TFPI2: variants seen among roughly 807,000 people sequenced by gnomAD.
TFPI2 encodes tissue factor pathway inhibitor 2.
Under a neutral mutation model 23.1 loss-of-function variants are expected in TFPI2, and 23 were observed. The observed-to-expected ratio is 1.00, with a 90% CI of 0.72 to 1.41. The LOEUF is 1.41. Among genes scored for constraint, TFPI2 ranks in the 40% most tolerant of loss-of-function variants. TFPI2 has a pLI of 0.00. For synonymous variants in TFPI2, 119 were observed against 111.7 expected, an observed-to-expected ratio of 1.07 and a Z score of -0.41; for missense variants, 291 against 299.6, an observed-to-expected ratio of 0.97 and a Z score of 0.21.
intron 1 of TFPI2, 53 bp downstream of exon 1, chr7:93,890,538 C>T (rs1399770867): frequency 6.3e-7 from 1 of 1,579,662 alleles, no homozygotes; most frequent in Non-Finnish European, 8.6e-7. Context: ...CCCCATGGCC[C>T]GCTGCGCCCT....
rs1171390862 is a variant in TFPI2, at chr7:93,890,660, G to C, written c.19C>G (p.Leu7Val). MDPARP[L>V]GLSILLLFLT... ...AAAAGCAGCAGAATCGACAGCCCCA[G>C]GGGGCGAGCGGGGTCCATGGTGCAG... The change falls in exon 1 of 5, where the codon CTG becomes GTG. Residue 7 changes from leucine to valine, a missense_variant. Coordinates refer to ENST00000222543, the MANE Select transcript of TFPI2 (RefSeq NM_006528.4). The C allele has an allele frequency of 3.1e-6, 5 of 1,612,814 alleles. No homozygotes were observed. The highest frequency in any genetic ancestry group is 3.3e-4 in the Middle Eastern group (2 of 6,032).
At position 93,888,524 on chromosome 7, in the gene TFPI2, A is replaced by AGAAAGAAGGAAGGAAG. The variant is rs1168242124; in HGVS notation, c.460+510_460+511insCTTCCTTCCTTCTTTC. Among the ~76,000 whole-genome samples the AGAAAGAAGGAAGGAAG allele has an allele frequency of 6.8e-4, 79 of 116,612 alleles. 3 individuals are homozygous for AGAAAGAAGGAAGGAAG. The highest frequency in any genetic ancestry group is 2.4e-3 in the African/African-American group (68 of 28,802). The allele number at this position is 116,612 out of a possible 152,430, so 76.5% of individuals were successfully genotyped here. ...AGAAAGAAAGAAAGAAAAGAAAGAA[A>AGAAAGAAGGAAGGAAG]GAAGGAAGGAAGGAAGGAAAGAAGG... On this transcript the variant is annotated intron_variant, in intron 3 of 4. Coordinates refer to ENST00000222543, the MANE Select transcript of TFPI2 (RefSeq NM_006528.4).
Position 93,885,513 on chromosome 7 carries a change from C to G in TFPI2, c.*1307G>C, listed in dbSNP as rs986389588. On this transcript the variant is annotated 3_prime_UTR_variant, in exon 5 of 5. Transcript: ENST00000222543. ...AATATTATCTCCACAACTGTCCACC[C>G]CTCTGTTCTCTCCAAACCTCTATAG... 2 of 151,928 alleles carry G rather than the reference C, an allele frequency of 1.3e-5. No individual in the cohort carries two copies. Among genetic ancestry groups the G allele is most frequent in the African/African-American group, 4.8e-5 (2 of 41,394 alleles). The allele number at this position is 151,928 out of a possible 1,614,324, so 9.4% of individuals were successfully genotyped here. A position where few individuals can be genotyped will look rare whatever the true frequency, so the allele number is the denominator to read the frequency against.
chr7:93,887,256 A>G lies in TFPI2; in HGVS notation c.631+5T>C. On this transcript the variant is annotated splice_donor_5th_base_variant and intron_variant, in intron 4 of 4. Transcript: ENST00000222543. ...CTAAAGGTGGAATAAGAAAACATTC[A>G]CTACCTTTTGCACATGCACGTTTGC... is the stretch of plus-strand genomic sequence containing the variant. 2 of 1,599,606 alleles carry G rather than the reference A, an allele frequency of 1.3e-6. No homozygotes were observed. Among genetic ancestry groups the G allele is most frequent in the African/African-American group, 2.7e-5 (2 of 74,572 alleles).
At position 93,886,113 on chromosome 7, in the gene TFPI2, T is replaced by C. The variant is rs1007745724; in HGVS notation, c.*707A>G. 1 of 152,036 alleles carries C rather than the reference T, an allele frequency of 6.6e-6. No homozygotes were observed. Among genetic ancestry groups the C allele is most frequent in the African/African-American group, 2.4e-5 (1 of 41,424 alleles). 9.4% of individuals were successfully genotyped at this position (152,036 alleles called of 1,614,324 possible). On this transcript the variant is annotated 3_prime_UTR_variant, in exon 5 of 5. Transcript: ENST00000222543. Reference sequence around the variant, plus strand: ...GTTTAGTGGTCTCCAACCCACAATGTCTTAGGAAATAATTTAACAATAGGA... The same window carrying C: ...GTTTAGTGGTCTCCAACCCACAATGCCTTAGGAAATAATTTAACAATAGGA...
rs573099917 is a variant in TFPI2 at position 93,890,508 on chromosome 7, T to G, written c.88+83A>C. ...GCAGGGACCTGGAGAAAGCGAGGCTTGGAGGGCGCCTACACGGGGCCCCAT... is the reference window on the plus strand; with the variant it reads ...GCAGGGACCTGGAGAAAGCGAGGCTGGGAGGGCGCCTACACGGGGCCCCAT... On this transcript the variant is annotated intron_variant, in intron 1 of 4. Transcript: ENST00000222543. 26 of 1,487,374 alleles carry G rather than the reference T, an allele frequency of 1.7e-5. No homozygotes were observed. In the African/African-American group the frequency reaches 3.5e-4, roughly 20 times the overall value. 92.1% of individuals were successfully genotyped at this position (1,487,374 alleles called of 1,614,324 possible). A position where few individuals can be genotyped will look rare whatever the true frequency, so the allele number is the denominator to read the frequency against.
In TFPI2 at chr7:93,890,218, A is replaced by C; in HGVS notation, c.190T>G (p.Phe64Val). ...TTGCCCTCGCAGCCCCCGTACAGGA[A>C]CTGGCGGCAGCTCTGCGTGTACCTG... is the stretch of plus-strand genomic sequence containing the variant. ...YDRYTQSCRQ[F>V]LYGGCEGNAN... Residue 64 changes from phenylalanine (F) to valine (V), a missense_variant, in exon 2 of 5, where the codon TTC becomes GTC. Phe to Val is a conservative substitution (Grantham distance 50). Transcript: ENST00000222543. 6.2e-7 allele frequency: 1 copy of C among 1,614,028 alleles called. No individual in the cohort carries two copies. Among genetic ancestry groups the C allele is most frequent in the Admixed American group, 1.7e-5 (1 of 60,016 alleles).
At chr7:93,890,071 G>T (rs1157501371) in intron 2 of TFPI2, 66 bp downstream of exon 2, 2 of 1,481,952 alleles carry the variant, frequency 1.3e-6, no homozygotes, top group African/African-American at 2.8e-5. Flanking sequence ...GTGGGAAACT[G>T]GCGAAGCTGC....
At chr7:93,887,136 A>G (rs1794008513) in intron 4 of TFPI2, 125 bp downstream of exon 4, 1 of 961,276 alleles carries the variant, frequency 1.0e-6, no homozygotes, top group Admixed American at 3.0e-5. Context: ...CTACGGAGAT[A>G]CTTATGTAGA....
At chr7:93,890,392 C>T in intron 1 of TFPI2, 73 bp from the exon 2 acceptor site, 1 of 1,524,518 alleles carries the variant, frequency 6.6e-7, no homozygotes, top group South Asian at 1.3e-5. Context: ...GAAAGAACAT[C>T]CCGGGGAGTT....
chr7:93,886,625 A>G lies in TFPI2; in HGVS notation c.*195T>C. The G allele has an allele frequency of 2.2e-6, 1 of 459,102 alleles. No homozygotes were observed. The highest frequency in any genetic ancestry group is 3.8e-6 in the Non-Finnish European group (1 of 264,494). 28.4% of individuals were successfully genotyped at this position (459,102 alleles called of 1,614,324 possible). A position where few individuals can be genotyped will look rare whatever the true frequency, so the allele number is the denominator to read the frequency against. The stretch of plus-strand genomic sequence containing the variant: ...CAAACAGTTGAACCATAAATTAAAA[A>G]TGGTAGACTCACATTTGAATAGCAG... On this transcript the variant is annotated 3_prime_UTR_variant, in exon 5 of 5. Coordinates refer to ENST00000222543, the MANE Select transcript of TFPI2 (RefSeq NM_006528.4).
chr7:93,890,517 C>T (rs1794112932), intron 1 of TFPI2, 74 bp downstream of exon 1: 7 of 1,512,378 alleles, frequency 4.6e-6, no homozygotes, highest in Non-Finnish European at 6.2e-6. Flanking sequence ...TTGGAGGGCG[C>T]CTACACGGGG....
chr7:93,889,238 G>C lies in TFPI2; in HGVS notation c.272-15C>G, dbSNP rs886696535. 1 of 1,560,466 alleles carries C rather than the reference G, an allele frequency of 6.4e-7. No homozygotes were observed. The highest frequency in any genetic ancestry group is 8.6e-7 in the Non-Finnish European group (1 of 1,156,150). On this transcript the variant is annotated splice_polypyrimidine_tract_variant and intron_variant, in intron 2 of 4. Transcript: ENST00000222543. Reference sequence around the variant, plus strand: ...TTTGGGAACTTCTAGGAAAAGGAGGGTAATAGAACAATGTTAGTCAAAAGT... The same window carrying C: ...TTTGGGAACTTCTAGGAAAAGGAGGCTAATAGAACAATGTTAGTCAAAAGT...
At chr7:93,890,543 C>A (rs112988173) in intron 1 of TFPI2, 48 bp downstream of exon 1, 29,581 of 1,587,022 alleles carry the variant, frequency 0.019, 359 homozygotes, top group Non-Finnish European at 0.023. Flanking sequence ...TGGCCCGCTG[C>A]GCCCTCTCCG....
intron 4 of TFPI2, 86 bp downstream of exon 4, chr7:93,887,175 A>C: frequency 7.6e-7 from 1 of 1,321,822 alleles, no homozygotes; most frequent in Admixed American, 2.5e-5. Context: ...ATTTGCTATT[A>C]GTAAAATGGA....
Position 93,890,197 on chromosome 7 carries a change from C to T in TFPI2, c.211G>A (p.Gly71Ser), listed in dbSNP as rs530627196. The T allele has an allele frequency of 4.3e-6, 7 of 1,613,528 alleles. No homozygotes were observed. The South Asian group carries it at 6.6e-5, about 15-fold the overall frequency. The stretch of plus-strand genomic sequence containing the variant: ...CAGGTGTAGAAATTGTTGGCGTTGC[C>T]CTCGCAGCCCCCGTACAGGAACTGG... ...CRQFLYGGCE[G>S]NANNFYTWEA... The change falls in exon 2 of 5, where the codon GGC (glycine) becomes AGC (serine). Residue 71 changes from glycine (G) to serine (S), a missense_variant. Physicochemically the swap from Gly to Ser is moderately conservative, Grantham distance 56. Transcript: ENST00000222543.
Position 93,890,221 on chromosome 7 carries a change from G to T in TFPI2, c.187C>A (p.Gln63Lys). Reference protein sequence around the residue: ...YYDRYTQSCRQFLYGGCEGNA... With the variant: ...YYDRYTQSCRKFLYGGCEGNA... The stretch of plus-strand genomic sequence containing the variant: ...CCCTCGCAGCCCCCGTACAGGAACT[G>T]GCGGCAGCTCTGCGTGTACCTGTCG... The change falls in exon 2 of 5, where the codon CAG becomes AAG. Residue 63 changes from glutamine to lysine, a missense_variant. Transcript: ENST00000222543. 9 of 1,613,974 alleles carry T rather than the reference G, an allele frequency of 5.6e-6. No homozygotes were observed. Among genetic ancestry groups the T allele is most frequent in the Non-Finnish European group, 7.6e-6 (9 of 1,179,884 alleles).
At chr7:93,888,520 A>AGAAAGAAGGAAGGAAG (rs1794041067) in intron 3 of TFPI2, among the ~76,000 whole-genome samples, 1 of 115,330 alleles carries the variant, frequency 8.7e-6, no homozygotes, top group Non-Finnish European at 1.7e-5. Context: ...AAGAAAAGAA[A>AGAAAGAAGGAAGGAAG]GAAAGAAGGA....
chr7:93,889,562 T>G (rs1055432116), intron 2 of TFPI2, among the ~76,000 whole-genome samples: 1 of 152,032 alleles, frequency 6.6e-6, no homozygotes, highest in Non-Finnish European at 1.5e-5. Flanking sequence ...AGCCCCATGT[T>G]CTCTTACAGG....
Sources: gnomAD v4.1 joint callset for allele counts (sites outside exome capture counted in the v4.1 genomes callset) on GRCh38, gnomAD v4.1.1 for gene constraint, MANE v1.5 for transcripts, NCBI Gene and HGNC (gene_info 2026-07-23, HGNC 2026-07-21) for gene names.